The following CFAP299 variants were observed in gnomAD, a reference collection of about 807,000 sequenced individuals.
CFAP299 encodes cilia and flagella associated protein 299, also known as cilia- and flagella-associated protein 299.
CFAP299 carries 21 observed loss-of-function variants against 27.0 expected under a neutral mutation model. The ratio of observed to expected loss-of-function variants is 0.78; its 90% CI spans 0.55 to 1.12. The LOEUF is 1.12. CFAP299 is among the 50% of genes most tolerant of loss of function. CFAP299 has a pLI of 0.00. For synonymous variants in CFAP299, 104 were observed against 98.1 expected (o/e 1.06, Z -0.36); for missense variants, 310 against 276.6 (o/e 1.12, Z -0.86).
At chr4:80,898,263 G>A (rs1338702464) in intron 4 of CFAP299, among the ~76,000 whole-genome samples, 1 of 152,074 alleles carries the variant, frequency 6.6e-6, no homozygotes, top group African/African-American at 2.4e-5. Flanking sequence ...GTTTCAGCAG[G>A]ATGGGGAGTT....
In CFAP299 at chr4:80,799,690, T is replaced by TA; in HGVS notation, c.334-70301dup. The stretch of plus-strand genomic sequence containing the variant: ...TTATAAATATATATTTATAAATATA[T>TA]AATATATAAAATATATATTTTATAT... On this transcript the variant is annotated intron_variant, in intron 3 of 5. Transcript: ENST00000358105. Among the ~76,000 whole-genome samples the TA allele has an allele frequency of 3.7e-5, 2 of 53,804 alleles. 1 individual carries two copies. Among genetic ancestry groups the TA allele is most frequent in the Non-Finnish European group, 5.9e-5 (2 of 33,904 alleles). 35.3% of individuals were successfully genotyped at this position (53,804 alleles called of 152,430 possible).
At chr4:80,852,470 AATAAG>A (rs1731581853) in intron 3 of CFAP299, among the ~76,000 whole-genome samples, 1 of 152,204 alleles carries the variant, frequency 6.6e-6, no homozygotes, top group Non-Finnish European at 1.5e-5. Flanking sequence ...ATAATAAAGT[AATAAG>A]ATAATAAGAT....
chr4:80,668,752 T>A (rs1741278371), intron 3 of CFAP299, among the ~76,000 whole-genome samples: 1 of 152,188 alleles, frequency 6.6e-6, no homozygotes, highest in Non-Finnish European at 1.5e-5. Flanking sequence ...TCCAGCTTTG[T>A]TCTTTTTGCT....
intron 4 of CFAP299, among the ~76,000 whole-genome samples, chr4:80,888,446 A>T (rs770494421): frequency 1.1e-4 from 16 of 152,062 alleles, no homozygotes; most frequent in African/African-American, 3.1e-4. Flanking sequence ...GATTGGAAAT[A>T]TATGTGCACC....
At chr4:80,632,586 G>C (rs1452944738) in intron 3 of CFAP299, among the ~76,000 whole-genome samples, 2 of 151,996 alleles carry the variant, frequency 1.3e-5, no homozygotes, top group East Asian at 3.9e-4. Context: ...TGGAAATGAA[G>C]ATATTTAATA....
At chr4:80,922,030 A>C (rs913597276) in intron 4 of CFAP299, among the ~76,000 whole-genome samples, 1 of 152,062 alleles carries the variant, frequency 6.6e-6, no homozygotes, top group African/African-American at 2.4e-5. Context: ...TTGAGTTTAA[A>C]GTGCCTGTGG....
At chr4:80,805,710 T>A (rs1728828852) in intron 3 of CFAP299, among the ~76,000 whole-genome samples, 1 of 151,624 alleles carries the variant, frequency 6.6e-6, no homozygotes, top group African/African-American at 2.4e-5. Flanking sequence ...ATAAAAACAA[T>A]ATAAATAAAA....
At chr4:80,683,721 T>C (rs1299776266) in intron 3 of CFAP299, among the ~76,000 whole-genome samples, 1 of 152,198 alleles carries the variant, frequency 6.6e-6, no homozygotes, top group Non-Finnish European at 1.5e-5. Flanking sequence ...TTATACATGT[T>C]TTAATGGTGT....
At chr4:80,868,467 T>C (rs1165368664) in intron 3 of CFAP299, among the ~76,000 whole-genome samples, 4 of 152,316 alleles carry the variant, frequency 2.6e-5, no homozygotes, top group African/African-American at 9.6e-5. Flanking sequence ...CTTCATGCAT[T>C]TTTGATTTCT....
At chr4:80,505,301 C>A (rs1482520526) in intron 2 of CFAP299, among the ~76,000 whole-genome samples, 17 of 152,050 alleles carry the variant, frequency 1.1e-4, no homozygotes. Context: ...AAATTAAATC[C>A]AGTTCTTTTC....
intron 2 of CFAP299, among the ~76,000 whole-genome samples, chr4:80,376,313 C>T (rs137961398): frequency 1.8e-4 from 27 of 152,092 alleles, no homozygotes; most frequent in African/African-American, 6.0e-4. Flanking sequence ...ATCTGTTTTC[C>T]AGTCGATGGA....
intron 2 of CFAP299, among the ~76,000 whole-genome samples, chr4:80,449,226 A>G (rs1351905066): frequency 6.6e-6 from 1 of 152,128 alleles, no homozygotes; most frequent in Non-Finnish European, 1.5e-5. Context: ...TTGAATCACC[A>G]TGTTTTGTGG....
chr4:80,377,606 C>T (rs1046855020), intron 2 of CFAP299, among the ~76,000 whole-genome samples: 8 of 151,770 alleles, frequency 5.3e-5, no homozygotes, highest in Non-Finnish European at 1.0e-4. Flanking sequence ...AGTTTAGAAT[C>T]ACCTAAATTT....
At chr4:80,758,086 T>G (rs1365730926) in intron 3 of CFAP299, among the ~76,000 whole-genome samples, 1 of 152,154 alleles carries the variant, frequency 6.6e-6, no homozygotes, top group Non-Finnish European at 1.5e-5. Flanking sequence ...ATGGATGGCT[T>G]AAGTGTTAAC....
Position 80,430,227 on chromosome 4 carries a change from C to A in CFAP299, c.242+67343C>A, listed in dbSNP as rs573842757. Among the ~76,000 whole-genome samples, 43 of 152,216 alleles carry A rather than the reference C, an allele frequency of 2.8e-4. 1 individual carries two copies. In the South Asian group the frequency reaches 8.7e-3, roughly 31 times the overall value. Reference sequence around the variant, plus strand: ...ATTAATGACAAACACAGAAAAAATTCTTGGCATAATGAAGTTTTCATCACA... The same window carrying A: ...ATTAATGACAAACACAGAAAAAATTATTGGCATAATGAAGTTTTCATCACA... On this transcript the variant is annotated intron_variant, in intron 2 of 5. Coordinates refer to ENST00000358105, the MANE Select transcript of CFAP299 (RefSeq NM_152770.3).
intron 3 of CFAP299, among the ~76,000 whole-genome samples, chr4:80,738,872 T>C (rs1434431841): frequency 6.6e-6 from 1 of 152,038 alleles, no homozygotes; most frequent in Non-Finnish European, 1.5e-5. Flanking sequence ...TGTTATACTT[T>C]AATTTCTTAG....
At chr4:80,803,174 C>T (rs182287776) in intron 3 of CFAP299, among the ~76,000 whole-genome samples, 1 of 152,058 alleles carries the variant, frequency 6.6e-6, no homozygotes, top group Admixed American at 6.6e-5. Context: ...TTAAGTGAAT[C>T]TAGGCTTGTG....
rs536436818 is a variant in CFAP299 at position 80,488,697 on chromosome 4, C to T, written c.243-94396C>T. On this transcript the variant is annotated intron_variant, in intron 2 of 5. Transcript: ENST00000358105. Reference sequence around the variant, plus strand: ...TTCACCGTGTTAGCCAGGATGGTCTCGATCTCCTGACCTTGTGATCCGCCC... The same window carrying T: ...TTCACCGTGTTAGCCAGGATGGTCTTGATCTCCTGACCTTGTGATCCGCCC... Among the ~76,000 whole-genome samples the T allele has an allele frequency of 9.9e-4, 151 of 152,244 alleles. 2 individuals are homozygous for T. Among genetic ancestry groups the T allele is most frequent in the Admixed American group, 4.0e-3 (61 of 15,292 alleles).
At chr4:80,740,610 T>G (rs1014908285) in intron 3 of CFAP299, among the ~76,000 whole-genome samples, 1 of 152,162 alleles carries the variant, frequency 6.6e-6, no homozygotes, top group Non-Finnish European at 1.5e-5. Flanking sequence ...ACCCTGCACT[T>G]CAGGGTAGTG....
Sources: gnomAD v4.1 joint callset for allele counts (sites outside exome capture counted in the v4.1 genomes callset) on GRCh38, gnomAD v4.1.1 for gene constraint, MANE v1.5 for transcripts, NCBI Gene and HGNC (gene_info 2026-07-23, HGNC 2026-07-21) for gene names.